Variants in IL34 observed in about 807,000 individuals in gnomAD.
IL34 encodes the protein interleukin 34, also known as interleukin-34.
In IL34, 17 loss-of-function variants were observed where a neutral mutation model predicts 25.3. The observed-to-expected ratio is 0.67, with a 90% CI of 0.46 to 1.01. The LOEUF (loss-of-function observed/expected upper bound fraction) is 1.01, where lower values mean the gene tolerates loss of function less well. Ranked by LOEUF, IL34 falls within the 50% of genes least tolerant of loss-of-function variation. The probability of loss-of-function intolerance (pLI) is 0.00; values close to 1 mark genes in which losing one functional copy is unlikely to be tolerated. For missense variants in IL34, 368 were observed against 312.9 expected, an observed-to-expected ratio of 1.18 and a Z score of -1.33; for synonymous variants, 174 against 140.9, an observed-to-expected ratio of 1.23 and a Z score of -1.66.
intron 4 of IL34, 94 bp downstream of exon 4, chr16:70,657,215 G>C: frequency 7.4e-7 from 1 of 1,348,200 alleles, no homozygotes; most frequent in Non-Finnish European, 1.0e-6. Context: ...TGAGGGAAAG[G>C]GTGAATACAC....
In IL34 at chr16:70,660,267, G is replaced by C; in HGVS notation, c.*80G>C. 6 of 1,333,022 alleles carry C rather than the reference G, an allele frequency of 4.5e-6. No homozygotes were observed. Among genetic ancestry groups the C allele is most frequent in the Non-Finnish European group, 6.0e-6 (6 of 991,796 alleles). 82.6% of individuals were successfully genotyped at this position (1,333,022 alleles called of 1,614,324 possible). ...TCAACTGGGTCTGAGACTTCAAGGG[G>C]TGGTGGTGGGAGCCCCCCTTGGGAG... is the stretch of plus-strand genomic sequence containing the variant. On this transcript the variant is annotated 3_prime_UTR_variant, in exon 6 of 6. Transcript: ENST00000288098.
intron 1 of IL34, among the ~76,000 whole-genome samples, chr16:70,631,791 T>C (rs1048693899): frequency 3.3e-5 from 5 of 152,192 alleles, no homozygotes; most frequent in African/African-American, 1.2e-4. Context: ...GCTGTGCAGC[T>C]TACTGTTGTG....
At chr16:70,645,778 G>A (rs140031412), upstream of IL34, among the ~76,000 whole-genome samples, 1,051 of 152,282 alleles carry the variant, frequency 6.9e-3, 18 homozygotes, top group African/African-American at 0.024. Flanking sequence ...TCCTGGCCGG[G>A]TGCGGTGGCT....
At chr16:70,636,100 A>C (rs764009590) in intron 1 of IL34, among the ~76,000 whole-genome samples, 1 of 150,520 alleles carries the variant, frequency 6.6e-6, no homozygotes, top group Non-Finnish European at 1.5e-5. Flanking sequence ...GTGCAGTGGC[A>C]TGATCTCAAC....
At chr16:70,623,175 C>G (rs1156340688) in intron 1 of IL34, among the ~76,000 whole-genome samples, 1 of 151,882 alleles carries the variant, frequency 6.6e-6, no homozygotes, top group Non-Finnish European at 1.5e-5. Context: ...GCAGTACAGC[C>G]CAGGTAATTT....
chr16:70,643,132 G>A (rs546123015), upstream of IL34, among the ~76,000 whole-genome samples: 3 of 151,896 alleles, frequency 2.0e-5, no homozygotes, highest in African/African-American at 4.8e-5. Context: ...GGACTACCTC[G>A]GCTCACTGCA....
At chr16:70,627,429 C>T (rs1373543875) in intron 1 of IL34, among the ~76,000 whole-genome samples, 1 of 144,070 alleles carries the variant, frequency 6.9e-6, no homozygotes, top group African/African-American at 2.8e-5. Flanking sequence ...CATCCCTCCT[C>T]TCCCCTCCCC....
chr16:70,621,028 G>T (rs1021335724), intron 1 of IL34, among the ~76,000 whole-genome samples: 7 of 152,110 alleles, frequency 4.6e-5, no homozygotes, highest in African/African-American at 1.7e-4. Context: ...GGAAATAAGG[G>T]ATTGAGACAC....
chr16:70,650,284 A>G (rs980336475), intron 1 of IL34, among the ~76,000 whole-genome samples: 1 of 152,116 alleles, frequency 6.6e-6, no homozygotes, highest in African/African-American at 2.4e-5. Flanking sequence ...GGGTGGGTGG[A>G]GGCAGCAAAA....
intron 1 of IL34, among the ~76,000 whole-genome samples, chr16:70,626,937 G>C (rs1421574076): frequency 1.3e-5 from 2 of 151,894 alleles, no homozygotes; most frequent in Non-Finnish European, 2.9e-5. Context: ...TTCTCTTTCT[G>C]TTCATGTTCA....
At chr16:70,654,748 A>G (rs1462904814) in intron 2 of IL34, 77 bp downstream of exon 2, 12 of 1,503,210 alleles carry the variant, frequency 8.0e-6, no homozygotes, top group Non-Finnish European at 1.1e-5. Flanking sequence ...GGACATTCAG[A>G]GCCCTTCTTA....
chr16:70,584,837 A>G (rs922352973), intron 1 of IL34, among the ~76,000 whole-genome samples: 7 of 151,886 alleles, frequency 4.6e-5, no homozygotes, highest in Non-Finnish European at 1.0e-4. Flanking sequence ...AGTGGCTGGG[A>G]TTACAGGCTC....
intron 1 of IL34, among the ~76,000 whole-genome samples, chr16:70,653,360 A>G (rs565738223): frequency 1.1e-4 from 16 of 151,680 alleles, no homozygotes; most frequent in African/African-American, 3.9e-4. Flanking sequence ...AAAAAAAAAA[A>G]AAAGCCCCAA....
chr16:70,646,368 AACTC>A (rs966955711), upstream of IL34, among the ~76,000 whole-genome samples: 1 of 152,100 alleles, frequency 6.6e-6, no homozygotes, highest in African/African-American at 2.4e-5. Context: ...GTGTCATCAT[AACTC>A]ACTCATGGGC....
chr16:70,639,482 C>T (rs2051731678), intron 1 of IL34, among the ~76,000 whole-genome samples: 1 of 152,202 alleles, frequency 6.6e-6, no homozygotes, highest in Admixed American at 6.5e-5. Flanking sequence ...ATTAGAATAT[C>T]ACAATTAGCA....
At chr16:70,606,652 G>C (rs1349292195) in intron 1 of IL34, among the ~76,000 whole-genome samples, 1 of 151,760 alleles carries the variant, frequency 6.6e-6, no homozygotes, top group Non-Finnish European at 1.5e-5. Context: ...CAGTGGCTCA[G>C]TCATGGCTCA....
At chr16:70,638,782 A>C (rs939569246) in intron 1 of IL34, among the ~76,000 whole-genome samples, 1 of 151,944 alleles carries the variant, frequency 6.6e-6, no homozygotes, top group Non-Finnish European at 1.5e-5. Flanking sequence ...AGGTCTCTCT[A>C]TGTTGCCCAG....
intron 1 of IL34, among the ~76,000 whole-genome samples, chr16:70,628,786 C>CTTTTTTTT (rs71387533): frequency 2.6e-5 from 3 of 115,172 alleles, no homozygotes; most frequent in Non-Finnish European, 3.6e-5. Flanking sequence ...CACACCTGGT[C>CTTTTTTTT]TTTTTTTTTT....
intron 1 of IL34, among the ~76,000 whole-genome samples, chr16:70,647,645 CAG>C (rs995325365): frequency 1.3e-5 from 2 of 152,184 alleles, no homozygotes; most frequent in Non-Finnish European, 2.9e-5. Flanking sequence ...GTGCCCACTG[CAG>C]AGTCACTGCC....
Sources: allele counts gnomAD v4.1 joint callset (sites outside exome capture counted in the v4.1 genomes callset), GRCh38; gene constraint gnomAD v4.1.1; transcripts MANE v1.5; gene names NCBI Gene and HGNC (gene_info 2026-07-23, HGNC 2026-07-21).